The following TMEM44 variants were observed in gnomAD, a reference collection of about 807,000 sequenced individuals.
TMEM44 encodes transmembrane protein 44.
In TMEM44, 43 loss-of-function variants were observed where a neutral mutation model predicts 47.8. The observed-to-expected ratio is 0.90, with a 90% confidence interval of 0.70 to 1.16. The LOEUF (loss-of-function observed/expected upper bound fraction) is 1.16. Ranked by LOEUF, TMEM44 falls within the 50% of genes most tolerant of loss-of-function variation. The pLI is 0.00. For synonymous variants in TMEM44, 277 were observed against 238.8 expected, an observed-to-expected ratio of 1.16 and a Z score of -1.48; for missense variants, 568 against 555.2, an observed-to-expected ratio of 1.02 and a Z score of -0.23.
At chr3:194,617,313 C>G (rs1343755228) in intron 5 of TMEM44, 44 bp from the exon 6 acceptor site, 1 of 1,478,576 alleles carries the variant, frequency 6.8e-7, no homozygotes, top group Non-Finnish European at 9.0e-7. Flanking sequence ...AGCAGCAGAT[C>G]ACAAGACCCA....
chr3:194,628,241 C>T, intron 2 of TMEM44, 142 bp downstream of exon 2: 7 of 1,183,494 alleles, frequency 5.9e-6, no homozygotes, highest in Non-Finnish European at 8.0e-6. Flanking sequence ...GCAGAAGGAA[C>T]AGCCAGGCAC....
At chr3:194,609,716 C>G (rs1243002144) in intron 8 of TMEM44, among the ~76,000 whole-genome samples, 19 of 152,052 alleles carry the variant, frequency 1.2e-4, no homozygotes, top group Admixed American at 1.1e-3. Flanking sequence ...CGCTCCACTT[C>G]CCAACTCGCT....
In TMEM44 at chr3:194,611,097, T is replaced by A; in HGVS notation, c.913-77A>T. 1 of 1,239,336 alleles carries A rather than the reference T, an allele frequency of 8.1e-7. No individual in the cohort carries two copies. The highest frequency in any genetic ancestry group is 1.2e-6 in the Non-Finnish European group (1 of 853,072). The allele number at this position is 1,239,336 out of a possible 1,614,324, so 76.8% of individuals were successfully genotyped here. On this transcript the variant is annotated intron_variant, in intron 7 of 9. Transcript: ENST00000347147. The surrounding 1 kb of genome is among the most constrained non-coding windows in gnomAD (Gnocchi z 4.2). ...CATTTTCTAAAAACAAGGTCACATT[T>A]TATTCAAAAGGACCCCCGTGGTATT...
chr3:194,621,960 C>A (rs922249271), intron 5 of TMEM44, among the ~76,000 whole-genome samples: 1 of 152,206 alleles, frequency 6.6e-6, no homozygotes, highest in South Asian at 2.1e-4. Context: ...GATCCACCTG[C>A]CTCGGCCTCC....
chr3:194,590,833 C>G (rs1712583213), intron 9 of TMEM44, among the ~76,000 whole-genome samples: 1 of 152,170 alleles, frequency 6.6e-6, no homozygotes, highest in East Asian at 1.9e-4. Flanking sequence ...AAGAATGATT[C>G]TTGCCAACCG....
chr3:194,603,863 G>GT (rs200863974), intron 9 of TMEM44, among the ~76,000 whole-genome samples: 14,148 of 150,546 alleles, frequency 0.094, 1,324 homozygotes, highest in African/African-American at 0.24. Flanking sequence ...TTTTTTTTTT[G>GT]TTTTTTTTGA....
intron 3 of TMEM44, among the ~76,000 whole-genome samples, chr3:194,625,626 G>A (rs557120010): frequency 3.9e-5 from 6 of 152,210 alleles, no homozygotes; most frequent in African/African-American, 9.6e-5. Flanking sequence ...AATTACAGGC[G>A]CACGCCACCA....
At chr3:194,631,363 G>A (rs1446174010) in intron 1 of TMEM44, among the ~76,000 whole-genome samples, 1 of 151,752 alleles carries the variant, frequency 6.6e-6, no homozygotes, top group Non-Finnish European at 1.5e-5. Flanking sequence ...GCAGAGGGTG[G>A]TGCTCATTCC....
chr3:194,633,044 C>CCGCCCGACAGA (rs1553842594), intron 1 of TMEM44, 35 bp downstream of exon 1: 1 of 1,401,454 alleles, frequency 7.1e-7, no homozygotes, highest in South Asian at 1.3e-5. Flanking sequence ...GCCCGTTTCC[C>CCGCCCGACAGA]CGCCCGACAG....
Position 194,615,575 on chromosome 3 carries a change from G to A in TMEM44, c.906C>T (p.Asn302=). The A allele has an allele frequency of 6.2e-7, 1 of 1,613,928 alleles. No homozygotes were observed. The highest frequency in any genetic ancestry group is 1.7e-5 in the Admixed American group (1 of 60,000). Residue 302 remains asparagine (N), a synonymous_variant, in exon 7 of 10, where the codon AAC becomes AAT. Transcript: ENST00000347147. ...CCTTGTCCTCGTTCCTCACCTCCTGGTTTTCTTCCTCTTTCTCTGCACAGG... is the reference window on the plus strand; with the variant it reads ...CCTTGTCCTCGTTCCTCACCTCCTGATTTTCTTCCTCTTTCTCTGCACAGG... ...LLTCAEKEEE[N]QENLDWVPLT...
intron 9 of TMEM44, among the ~76,000 whole-genome samples, chr3:194,594,602 C>G (rs1178204658): frequency 1.3e-5 from 2 of 150,922 alleles, no homozygotes; most frequent in African/African-American, 4.9e-5. Context: ...CTAACACTAT[C>G]CTGCTGAGGG....
intron 5 of TMEM44, 30 bp from the exon 6 acceptor site, chr3:194,617,299 G>GT: frequency 2.1e-5 from 13 of 619,726 alleles, no homozygotes; most frequent in Non-Finnish European, 3.2e-5. Flanking sequence ...GGCTGGGCGG[G>GT]AGAAGCAGCA....
At chr3:194,622,989 C>T (rs574319386) in intron 5 of TMEM44, 134 of 451,874 alleles carry the variant, frequency 3.0e-4, no homozygotes, top group Non-Finnish European at 1.6e-4. Flanking sequence ...GAAGAACACA[C>T]GGGCTTTCCC....
chr3:194,588,941 T>C (rs1712219696), intron 9 of TMEM44: 2 of 385,096 alleles, frequency 5.2e-6, no homozygotes, highest in African/African-American at 2.1e-5. Flanking sequence ...CACTGAGTCA[T>C]GTTCTCCTTA....
chr3:194,598,174 A>G (rs1406082096), intron 9 of TMEM44, among the ~76,000 whole-genome samples: 2 of 151,996 alleles, frequency 1.3e-5, no homozygotes, highest in African/African-American at 4.8e-5. Context: ...CTCCCACATG[A>G]CATGATTCGT....
intron 9 of TMEM44, among the ~76,000 whole-genome samples, chr3:194,600,424 T>G (rs1713949330): frequency 7.0e-6 from 1 of 143,038 alleles, no homozygotes; most frequent in African/African-American, 2.5e-5. Context: ...TGAGCCACCA[T>G]GCCCAGCCCA....
At chr3:194,617,489 C>T (rs778865413) in intron 5 of TMEM44, 8 of 625,932 alleles carry the variant, frequency 1.3e-5, no homozygotes, top group African/African-American at 7.4e-5. Context: ...TCTGGGAAAC[C>T]TCCCCTTACC....
intron 9 of TMEM44, among the ~76,000 whole-genome samples, chr3:194,599,162 T>C (rs1713768908): frequency 6.6e-6 from 1 of 152,196 alleles, no homozygotes. Context: ...ACATCAATCT[T>C]ATGCTCTGTC....
At chr3:194,598,893 C>T (rs1290965855) in intron 9 of TMEM44, among the ~76,000 whole-genome samples, 1 of 151,972 alleles carries the variant, frequency 6.6e-6, no homozygotes, top group Admixed American at 6.6e-5. Context: ...GCCCACAGGC[C>T]CCGACAGTGG....
Sources: gnomAD v4.1 joint callset for allele counts (sites outside exome capture counted in the v4.1 genomes callset) on GRCh38, gnomAD v4.1.1 for gene constraint, Gnocchi (gnomAD v3.1) non-coding constraint, MANE v1.5 for transcripts, NCBI Gene and HGNC (gene_info 2026-07-23, HGNC 2026-07-21) for gene names.